Variants in ERGIC1 observed in about 807,000 individuals in gnomAD.
ERGIC1 encodes endoplasmic reticulum-Golgi intermediate compartment protein 1.
Under a neutral mutation model 38.3 loss-of-function variants are expected in ERGIC1, and 19 were observed. That is an observed-to-expected ratio of 0.50 (90% CI 0.35 to 0.73). The LOEUF (loss-of-function observed/expected upper bound fraction) is 0.73, where lower values mean the gene tolerates loss of function less well. ERGIC1 is among the 30% of genes least tolerant of loss of function. ERGIC1 has a pLI of 0.01. For missense variants in ERGIC1, 294 were observed against 389.2 expected (o/e 0.76, Z 2.06); for synonymous variants, 124 against 157.6 (o/e 0.79, Z 1.60).
At chr5:172,854,672 G>A (rs913204643) in intron 1 of ERGIC1, among the ~76,000 whole-genome samples, 3 of 152,264 alleles carry the variant, frequency 2.0e-5, no homozygotes, top group African/African-American at 7.2e-5. Context: ...TTCCCGCCTT[G>A]TTCCCTGAGC....
chr5:172,900,923 C>T (rs770896991), intron 3 of ERGIC1, among the ~76,000 whole-genome samples: 1 of 152,222 alleles, frequency 6.6e-6, no homozygotes, highest in Non-Finnish European at 1.5e-5. Flanking sequence ...CCCGAAGGGC[C>T]TCCGCAGGAT....
chr5:172,943,708 C>T (rs1255849095), intron 9 of ERGIC1, among the ~76,000 whole-genome samples: 1 of 152,094 alleles, frequency 6.6e-6, no homozygotes, highest in African/African-American at 2.4e-5. Context: ...GGGATTGGAC[C>T]GCAGGAGTGT....
intron 2 of ERGIC1, among the ~76,000 whole-genome samples, chr5:172,890,824 G>A (rs1037504056): frequency 2.8e-5 from 4 of 144,766 alleles, no homozygotes; most frequent in South Asian, 2.1e-4. Context: ...CCGGGCAGTC[G>A]GTCATATTGG....
intron 2 of ERGIC1, among the ~76,000 whole-genome samples, chr5:172,893,332 G>C (rs1762615605): frequency 6.6e-6 from 1 of 152,112 alleles, no homozygotes. Flanking sequence ...ATTTTTAGTA[G>C]AGATGGGTTT....
chr5:172,903,350 A>T (rs1194215163), intron 3 of ERGIC1, among the ~76,000 whole-genome samples: 1 of 152,134 alleles, frequency 6.6e-6, no homozygotes, highest in African/African-American at 2.4e-5. Context: ...CCTGAAGATT[A>T]TGAAAAAGGA....
rs79964308 is a variant in ERGIC1 at position 172,888,612 on chromosome 5, T to G, written c.21-87T>G. 1.8e-3 allele frequency: 1,892 copies of G among 1,028,696 alleles called. 29 individuals carry two copies. In the African/African-American group the frequency reaches 0.027, roughly 15 times the overall value. 63.7% of individuals were successfully genotyped at this position (1,028,696 alleles called of 1,614,324 possible). ...GGAAGAACCATGGTTTGTTGAACCA[T>G]GTGTCACACAAGCCAGCACCACTGC... On this transcript the variant is annotated intron_variant, in intron 1 of 9. Coordinates refer to ENST00000393784, the MANE Select transcript of ERGIC1 (RefSeq NM_001031711.3).
At chr5:172,908,230 C>A (rs899701742) in intron 3 of ERGIC1, among the ~76,000 whole-genome samples, 2 of 145,932 alleles carry the variant, frequency 1.4e-5, no homozygotes, top group Non-Finnish European at 3.0e-5. Flanking sequence ...ACAAGAGTTC[C>A]TGTAAGAGAG....
chr5:172,896,699 T>G (rs1424213779), intron 2 of ERGIC1, among the ~76,000 whole-genome samples: 1 of 152,262 alleles, frequency 6.6e-6, no homozygotes. Context: ...GGGCCACCGG[T>G]TTGCAGCCTC....
chr5:172,889,636 T>G (rs1762510280), intron 2 of ERGIC1, among the ~76,000 whole-genome samples: 1 of 152,146 alleles, frequency 6.6e-6, no homozygotes, highest in Non-Finnish European at 1.5e-5. Flanking sequence ...AGCCAGAGAA[T>G]TAAGAAAGAG....
At chr5:172,949,917 C>T (rs988614206) in intron 9 of ERGIC1, among the ~76,000 whole-genome samples, 1 of 152,108 alleles carries the variant, frequency 6.6e-6, no homozygotes, top group African/African-American at 2.4e-5. Context: ...ACTAAAAATA[C>T]AAAAAATTAG....
rs1352685253 is a variant in ERGIC1, at chr5:172,879,373, T to C, written c.21-9326T>C. Among the ~76,000 whole-genome samples, 4 of 152,340 alleles carry C rather than the reference T, an allele frequency of 2.6e-5. No homozygotes were observed. The East Asian group carries it at 7.7e-4, about 29-fold the overall frequency. On this transcript the variant is annotated intron_variant, in intron 1 of 9. Coordinates refer to ENST00000393784, the MANE Select transcript of ERGIC1 (RefSeq NM_001031711.3). ...GTGGGTTTCTGTTAAGGAAATCCTA[T>C]GTTCTCATTGACTTTTAGCACCGAC...
At chr5:172,856,160 G>T (rs1289230335) in intron 1 of ERGIC1, among the ~76,000 whole-genome samples, 6 of 152,188 alleles carry the variant, frequency 3.9e-5, no homozygotes, top group Non-Finnish European at 7.3e-5. Flanking sequence ...ATCCCTAGGG[G>T]TGGGCAGCAC....
chr5:172,893,832 AAG>A (rs1487032643), intron 2 of ERGIC1, among the ~76,000 whole-genome samples: 1 of 139,658 alleles, frequency 7.2e-6, no homozygotes, highest in Non-Finnish European at 1.5e-5. Flanking sequence ...CACGGTGGAA[AAG>A]AGTGTGCCCA....
chr5:172,906,028 C>A (rs2113357880), intron 3 of ERGIC1: 1 of 456,016 alleles, frequency 2.2e-6, no homozygotes, highest in African/African-American at 2.0e-5. Flanking sequence ...TCACCTTCCC[C>A]AGCTAGGGTT....
chr5:172,860,631 C>T (rs577312032), intron 1 of ERGIC1, among the ~76,000 whole-genome samples: 1 of 152,302 alleles, frequency 6.6e-6, no homozygotes, highest in South Asian at 2.1e-4. Context: ...GGCTTTGCTG[C>T]AGAATCTGGG....
intron 1 of ERGIC1, among the ~76,000 whole-genome samples, chr5:172,839,228 G>A (rs1035060107): frequency 1.1e-4 from 16 of 139,226 alleles, no homozygotes; most frequent in African/African-American, 2.5e-4. Context: ...CCAACAGAGC[G>A]AGACTCTGTC....
At chr5:172,893,825 G>C (rs1028557138) in intron 2 of ERGIC1, among the ~76,000 whole-genome samples, 2 of 140,614 alleles carry the variant, frequency 1.4e-5, no homozygotes, top group Non-Finnish European at 3.0e-5. Flanking sequence ...AGCAAAGCAC[G>C]GTGGAAAAGA....
intron 6 of ERGIC1, among the ~76,000 whole-genome samples, chr5:172,925,431 T>C (rs994440937): frequency 6.6e-6 from 1 of 152,128 alleles, no homozygotes; most frequent in African/African-American, 2.4e-5. Flanking sequence ...TGTTGAGAAA[T>C]TGCAGTTCCT....
At chr5:172,914,211 G>A (rs1054284488) in intron 4 of ERGIC1, among the ~76,000 whole-genome samples, 5 of 139,642 alleles carry the variant, frequency 3.6e-5, no homozygotes, top group African/African-American at 1.4e-4. Flanking sequence ...CACCAGCCTG[G>A]GCAAGAGAGC....
Sources: gnomAD v4.1 joint callset for allele counts (sites outside exome capture counted in the v4.1 genomes callset) on GRCh38, gnomAD v4.1.1 for gene constraint, MANE v1.5 for transcripts, NCBI Gene and HGNC (gene_info 2026-07-23, HGNC 2026-07-21) for gene names.